Variants in NHSL1 observed in about 807,000 individuals in gnomAD.
NHSL1 encodes the protein NHS like 1, also known as NHS-like protein 1.
Under a neutral mutation model 95.0 loss-of-function variants are expected in NHSL1, and 48 were observed. The observed-to-expected ratio is 0.51, with a 90% CI of 0.40 to 0.64. NHSL1 has a LOEUF of 0.64. Ranked by LOEUF, NHSL1 falls within the 30% of genes least tolerant of loss-of-function variation. The probability of loss-of-function intolerance (pLI) is 0.00; values close to 1 mark genes in which losing one functional copy is unlikely to be tolerated. For synonymous variants in NHSL1, 783 were observed against 833.9 expected (o/e 0.94, Z 1.05); for missense variants, 1,971 against 2,077.7 (o/e 0.95, Z 1.00).
At chr6:138,612,087 G>A (rs1239648042) in intron 1 of NHSL1, among the ~76,000 whole-genome samples, 1 of 123,098 alleles carries the variant, frequency 8.1e-6, no homozygotes, top group Non-Finnish European at 1.6e-5. Flanking sequence ...TCCAGCCTGA[G>A]CAACAGAGCA....
intron 1 of NHSL1, among the ~76,000 whole-genome samples, chr6:138,629,211 G>A (rs1341244298): frequency 6.6e-6 from 1 of 152,162 alleles, no homozygotes; most frequent in Non-Finnish European, 1.5e-5. Context: ...GGTATCTGCT[G>A]CTTTCCCATC....
chr6:138,617,878 G>A (rs1364969743), intron 1 of NHSL1, among the ~76,000 whole-genome samples: 1 of 152,204 alleles, frequency 6.6e-6, no homozygotes, highest in African/African-American at 2.4e-5. Flanking sequence ...GCAGGGAACT[G>A]CAAGGTGATG....
At position 138,689,885 on chromosome 6, in the gene NHSL1, T is replaced by C. The variant is rs542794108; in HGVS notation, c.96+2591A>G. 3.3e-5 allele frequency among the ~76,000 whole-genome samples: 5 copies of C among 152,208 alleles called. No homozygotes were observed. The East Asian group carries it at 9.6e-4, about 29-fold the overall frequency. ...CTGATCTTGAACTCCTAGCCTCAAA[T>C]GATCCGCCCACCTTGGTCTCCCAAA... On this transcript the variant is annotated intron_variant, in intron 1 of 3. Coordinates refer to the NHSL1 transcript ENST00000491526.
chr6:138,588,202 C>G (rs1025455895), intron 1 of NHSL1, among the ~76,000 whole-genome samples: 3 of 152,246 alleles, frequency 2.0e-5, no homozygotes, highest in African/African-American at 7.2e-5. Flanking sequence ...GTGGCTTGCG[C>G]CTGTAATCTC....
chr6:138,459,276 C>G (rs1412032113), intron 3 of NHSL1, among the ~76,000 whole-genome samples: 1 of 152,184 alleles, frequency 6.6e-6, no homozygotes, highest in Non-Finnish European at 1.5e-5. Context: ...GCATGAGTCC[C>G]ACGCCTGACC....
At chr6:138,542,340 G>A (rs987893997) in intron 1 of NHSL1, among the ~76,000 whole-genome samples, 3 of 152,198 alleles carry the variant, frequency 2.0e-5, no homozygotes, top group African/African-American at 7.2e-5. Context: ...AACTGTGAGA[G>A]AATACATTTC....
intron 3 of NHSL1, chr6:138,464,243 G>T (rs536026826): frequency 8.6e-6 from 7 of 815,478 alleles, no homozygotes; most frequent in Admixed American, 3.9e-5. Flanking sequence ...CATCACGGCC[G>T]GCACCGTCCT....
rs904237427 is a variant in NHSL1, at chr6:138,692,559, C to T, written c.14G>A (p.Gly5Asp). The T allele has an allele frequency of 9.7e-5, 19 of 196,248 alleles. No homozygotes were observed. In the East Asian group the frequency reaches 3.0e-3, roughly 31 times the overall value. The allele number at this position is 196,248 out of a possible 1,614,324, so 12.2% of individuals were successfully genotyped here. Residue 5 changes from glycine to aspartate, a missense_variant, in exon 1 of 4, where the codon GGC becomes GAC. Coordinates refer to the NHSL1 transcript ENST00000491526. This position sits in a 1 kb window ranked among gnomAD's most constrained non-coding sequence, Gnocchi z 4.0. ...GCGGTGCAGCGCGGCGGTGCGGTGG[C>T]CCAGCGCGGCCGCCTGGCCCTCGAG... is the stretch of plus-strand genomic sequence containing the variant.
rs1052760043 is a variant in NHSL1 at position 138,431,958 on chromosome 6, G to A, written c.2387C>T (p.Pro796Leu). Residue 796 changes from proline to leucine, a missense_variant, in exon 6 of 8, where the codon CCG (proline) becomes CTG (leucine). Around this residue, in one of 3 missense-constraint regions of NHSL1, gnomAD observed 1,602 missense variants for 1,654.5 expected, o/e 0.97. Coordinates refer to ENST00000343505, the MANE Select transcript of NHSL1 (RefSeq NM_001144060.2). The surrounding 1 kb of genome is among the most constrained non-coding windows in gnomAD (Gnocchi z 4.0). ...ACTGCTGGTTGAACAGCCCCCTGCC[G>A]GGTTCCCCGGATCTTCCTGCATGCC... ...YTGMQEDPGN[P>L]AGGCSTSSGV... is the part of the protein sequence containing the mutation. 42 of 1,551,630 alleles carry A rather than the reference G, an allele frequency of 2.7e-5. No homozygotes were observed. The highest frequency in any genetic ancestry group is 1.7e-4 in the Middle Eastern group (1 of 6,014).
upstream of NHSL1, among the ~76,000 whole-genome samples, chr6:138,549,339 C>T (rs763236612): frequency 4.6e-5 from 7 of 152,030 alleles, no homozygotes; most frequent in Admixed American, 1.3e-4. Flanking sequence ...GCCAAGATTG[C>T]GCCATTGAAC....
chr6:138,480,155 A>T (rs1340493112), intron 2 of NHSL1, among the ~76,000 whole-genome samples: 1 of 152,204 alleles, frequency 6.6e-6, no homozygotes, highest in African/African-American at 2.4e-5. Context: ...CTGTATCAGA[A>T]GGGGATTGGT....
chr6:138,427,937 AT>A (rs1427038207), intron 7 of NHSL1, among the ~76,000 whole-genome samples: 1 of 152,190 alleles, frequency 6.6e-6, no homozygotes, highest in African/African-American at 2.4e-5. Context: ...CCTAAGGCCT[AT>A]TTGGCTTTGA....
At chr6:138,605,034 A>G (rs1042102018) in intron 1 of NHSL1, among the ~76,000 whole-genome samples, 13 of 152,214 alleles carry the variant, frequency 8.5e-5, no homozygotes, top group African/African-American at 3.1e-4. Flanking sequence ...TGAAATAATT[A>G]TAGACTCACA....
chr6:138,687,395 A>C (rs1177503849), intron 1 of NHSL1, among the ~76,000 whole-genome samples: 2 of 152,184 alleles, frequency 1.3e-5, no homozygotes, highest in Admixed American at 1.3e-4. Context: ...AGGACCAGCC[A>C]ACCCTCTGGT....
chr6:138,586,101 CTT>C (rs79450363), intron 1 of NHSL1, among the ~76,000 whole-genome samples: 54 of 140,384 alleles, frequency 3.8e-4, no homozygotes, highest in South Asian at 7.0e-4. Context: ...GTGTCAAAAC[CTT>C]TTTTTTTTTT....
chr6:138,608,723 G>A (rs1784468180), intron 1 of NHSL1, among the ~76,000 whole-genome samples: 1 of 152,202 alleles, frequency 6.6e-6, no homozygotes. Flanking sequence ...AAACAAAGCA[G>A]AGCGGCCTCC....
In NHSL1 at chr6:138,692,168, G is replaced by A. The variant is rs898053189; in HGVS notation, c.96+308C>T. ...GGCTCTCCTCTGTCTACAGCGCCCC[G>A]GGGTCTCCCAAACAGACAGACACAG... On this transcript the variant is annotated intron_variant, in intron 1 of 3. Transcript: ENST00000491526. The surrounding 1 kb of genome is among the most constrained non-coding windows in gnomAD (Gnocchi z 4.0). 9 of 456,528 alleles carry A rather than the reference G, an allele frequency of 2.0e-5. No homozygotes were observed. The highest frequency in any genetic ancestry group is 1.8e-4 in the African/African-American group (9 of 50,048). 28.3% of individuals were successfully genotyped at this position (456,528 alleles called of 1,614,324 possible).
At position 138,608,886 on chromosome 6, in the gene NHSL1, G is replaced by A. The variant is rs141848311; in HGVS notation, c.96+83590C>T. Among the ~76,000 whole-genome samples the A allele has an allele frequency of 6.4e-4, 98 of 152,260 alleles. 2 individuals carry two copies. The East Asian group carries it at 0.018, about 28-fold the overall frequency. ...TTAAACACAGGAAAGACATTTACAC[G>A]ACAGGAACATTTCATTCAACCCCAC... On this transcript the variant is annotated intron_variant, in intron 1 of 3. Coordinates refer to the NHSL1 transcript ENST00000491526.
intron 1 of NHSL1, among the ~76,000 whole-genome samples, chr6:138,611,404 G>A (rs1229351239): frequency 6.6e-6 from 1 of 152,208 alleles, no homozygotes; most frequent in Non-Finnish European, 1.5e-5. Context: ...TGTGCTAACT[G>A]TAGTCCTAGA....
Sources: gnomAD v4.1 joint callset for allele counts (sites outside exome capture counted in the v4.1 genomes callset) on GRCh38, gnomAD v4.1.1 for gene constraint, gnomAD v4.1.1 regional missense constraint, Gnocchi (gnomAD v3.1) non-coding constraint, MANE v1.5 for transcripts, NCBI Gene and HGNC (gene_info 2026-07-23, HGNC 2026-07-21) for gene names.